Variants in DUSP28 observed in about 807,000 individuals in gnomAD.
DUSP28 encodes dual specificity phosphatase 28.
In DUSP28, 11 loss-of-function variants were observed where a neutral mutation model predicts 8.4. That is an observed-to-expected ratio of 1.31 (90% CI 0.83 to 2.17). The LOEUF (loss-of-function observed/expected upper bound fraction) is 2.17. Ranked by LOEUF, DUSP28 falls within the 30% of genes most tolerant of loss-of-function variation. The probability of loss-of-function intolerance (pLI) is 0.00; values close to 1 mark genes in which losing one functional copy is unlikely to be tolerated. For missense variants in DUSP28, 373 were observed against 270.4 expected, an observed-to-expected ratio of 1.38 and a Z score of -2.66; for synonymous variants, 178 against 130.9, an observed-to-expected ratio of 1.36 and a Z score of -2.46.
At chr2:240,561,148 G>A (rs973443326) in intron 1 of DUSP28, 71 bp downstream of exon 1, 59 of 1,458,604 alleles carry the variant, frequency 4.0e-5, no homozygotes, top group Non-Finnish European at 5.2e-5. Flanking sequence ...TCCGGGCGGG[G>A]CCGGCTTCGG....
In DUSP28 at chr2:240,563,958, T is replaced by C. The variant is rs1005518943; in HGVS notation, c.*2491T>C. The C allele has an allele frequency of 2.6e-5, 4 of 152,396 alleles. No individual in the cohort carries two copies. Among genetic ancestry groups the C allele is most frequent in the Non-Finnish European group, 5.9e-5 (4 of 68,048 alleles). 9.4% of individuals were successfully genotyped at this position (152,396 alleles called of 1,614,324 possible). A position where few individuals can be genotyped will look rare whatever the true frequency, so the allele number is the denominator to read the frequency against. Reference sequence around the variant, plus strand: ...TCATCAAAGGCAAGAGGGTTGTATATTTTCCCGTTGGAGACACATCTGGAA... The same window carrying C: ...TCATCAAAGGCAAGAGGGTTGTATACTTTCCCGTTGGAGACACATCTGGAA... On this transcript the variant is annotated 3_prime_UTR_variant, in exon 2 of 2. Coordinates refer to ENST00000405954, the MANE Select transcript of DUSP28 (RefSeq NM_001370465.2).
rs923001969 is a variant in DUSP28 at position 240,560,609 on chromosome 2, A to G, written c.-76A>G. 6.3e-5 allele frequency: 85 copies of G among 1,353,784 alleles called. No individual in the cohort carries two copies. The highest frequency in any genetic ancestry group is 7.1e-5 in the Non-Finnish European group (75 of 1,056,618). The allele number at this position is 1,353,784 out of a possible 1,614,324, so 83.9% of individuals were successfully genotyped here. Reference sequence around the variant, plus strand: ...CCCGGCGGCCCGCCCGGCTCCCACAAATAGACTCCTGGGCGGGCGCCTGAG... The same window carrying G: ...CCCGGCGGCCCGCCCGGCTCCCACAGATAGACTCCTGGGCGGGCGCCTGAG... On this transcript the variant is annotated 5_prime_UTR_variant, in exon 1 of 2. Transcript: ENST00000405954.
Position 240,564,563 on chromosome 2 carries a change from A to T in DUSP28, c.*3096A>T, listed in dbSNP as rs2092996495. On this transcript the variant is annotated 3_prime_UTR_variant, in exon 2 of 2. Transcript: ENST00000405954. ...TGGTCAGGAAAATCTAAACCACTTA[A>T]GGAACTGGGCAGAAAGAAACTGAAT... Among the ~76,000 whole-genome samples, 1 of 152,196 alleles carries T rather than the reference A, an allele frequency of 6.6e-6. No individual in the cohort carries two copies.
At chr2:240,561,100 G>A (rs1358847581) in intron 1 of DUSP28, 23 bp downstream of exon 1, 1 of 1,463,182 alleles carries the variant, frequency 6.8e-7, no homozygotes, top group South Asian at 1.4e-5. Flanking sequence ...TTAGGGGGGC[G>A]GTGTTTCGAG....
At position 240,564,614 on chromosome 2, in the gene DUSP28, A is replaced by T. The variant is rs932645879; in HGVS notation, c.*3147A>T. Among the ~76,000 whole-genome samples the T allele has an allele frequency of 6.6e-6, 1 of 152,210 alleles. No homozygotes were observed. Among genetic ancestry groups the T allele is most frequent in the Non-Finnish European group, 1.5e-5 (1 of 68,038 alleles). ...GCAGGGAGAAGAAGGCTGGGGAGCCAAGGACAGGAGAGGAGACATAGGGGA... is the reference window on the plus strand; with the variant it reads ...GCAGGGAGAAGAAGGCTGGGGAGCCTAGGACAGGAGAGGAGACATAGGGGA... On this transcript the variant is annotated 3_prime_UTR_variant, in exon 2 of 2. Transcript: ENST00000405954.
rs1315357820 is a variant in DUSP28, at chr2:240,562,466, G to C, written c.*999G>C. 6.6e-6 allele frequency: 1 copy of C among 152,234 alleles called. No homozygotes were observed. Among genetic ancestry groups the C allele is most frequent in the Non-Finnish European group, 1.5e-5 (1 of 68,050 alleles). The allele number at this position is 152,234 out of a possible 1,614,324, so 9.4% of individuals were successfully genotyped here. On this transcript the variant is annotated 3_prime_UTR_variant, in exon 2 of 2. Coordinates refer to ENST00000405954, the MANE Select transcript of DUSP28 (RefSeq NM_001370465.2). ...TTCACCCATGGCTTCTACGGTGACA[G>C]AGTATGGTGTTCCTGTAGGGAAACA... is the stretch of plus-strand genomic sequence containing the variant.
chr2:240,561,319 C>T lies in DUSP28; in HGVS notation c.394-11C>T, dbSNP rs200201123. The stretch of plus-strand genomic sequence containing the variant: ...CGACTTGGGGTTATTCAGTACACTT[C>T]TTGTTTGCAGATGGTGAAGAGCGCT... On this transcript the variant is annotated splice_polypyrimidine_tract_variant and intron_variant, in intron 1 of 1. Coordinates refer to ENST00000405954, the MANE Select transcript of DUSP28 (RefSeq NM_001370465.2). The T allele has an allele frequency of 6.2e-7, 1 of 1,613,832 alleles. No homozygotes were observed. Among genetic ancestry groups the T allele is most frequent in the South Asian group, 1.1e-5 (1 of 91,080 alleles).
At position 240,564,986 on chromosome 2, in the gene DUSP28, C is replaced by T. The variant is rs1479334047; in HGVS notation, c.*3519C>T. On this transcript the variant is annotated 3_prime_UTR_variant, in exon 2 of 2. Coordinates refer to ENST00000405954, the MANE Select transcript of DUSP28 (RefSeq NM_001370465.2). ...TCAAGCCAACAAGGTGCTGCCTCTCCCGCCGTGTGAGGGTGGAACCCCATA... is the reference window on the plus strand; with the variant it reads ...TCAAGCCAACAAGGTGCTGCCTCTCTCGCCGTGTGAGGGTGGAACCCCATA... Among the ~76,000 whole-genome samples, 1 of 152,198 alleles carries T rather than the reference C, an allele frequency of 6.6e-6. No individual in the cohort carries two copies. The highest frequency in any genetic ancestry group is 1.5e-5 in the Non-Finnish European group (1 of 68,040).
At position 240,564,594 on chromosome 2, in the gene DUSP28, GAGA is replaced by G. The variant is rs1226950448; in HGVS notation, c.*3133_*3135del. ...TGGGCAGAAAGAAACTGAATGCAGGGAGAAGAAGGCTGGGGAGCCAAGGACAGG... is the reference window on the plus strand; with the variant it reads ...TGGGCAGAAAGAAACTGAATGCAGGGAGAAGGCTGGGGAGCCAAGGACAGG... On this transcript the variant is annotated 3_prime_UTR_variant, in exon 2 of 2. Transcript: ENST00000405954. 6.6e-6 allele frequency among the ~76,000 whole-genome samples: 1 copy of G among 152,224 alleles called. No individual in the cohort carries two copies. Among genetic ancestry groups the G allele is most frequent in the East Asian group, 1.9e-4 (1 of 5,182 alleles).
rs2125445218 is a variant in DUSP28 at position 240,564,054 on chromosome 2, A to G, written c.*2587A>G. The G allele has an allele frequency of 6.6e-6, 1 of 152,522 alleles. No individual in the cohort carries two copies. The highest frequency in any genetic ancestry group is 6.5e-5 in the Admixed American group (1 of 15,308). 9.4% of individuals were successfully genotyped at this position (152,522 alleles called of 1,614,324 possible). ...AAACTGCAGATTCAAAAATCGAGGG[A>G]GAAATGAGCACACGCTGTACTTGGC... is the stretch of plus-strand genomic sequence containing the variant. On this transcript the variant is annotated 3_prime_UTR_variant, in exon 2 of 2. Coordinates refer to ENST00000405954, the MANE Select transcript of DUSP28 (RefSeq NM_001370465.2).
Position 240,564,987 on chromosome 2 carries a change from C to T in DUSP28, c.*3520C>T, listed in dbSNP as rs964382874. ...CAAGCCAACAAGGTGCTGCCTCTCCCGCCGTGTGAGGGTGGAACCCCATAA... is the reference window on the plus strand; with the variant it reads ...CAAGCCAACAAGGTGCTGCCTCTCCTGCCGTGTGAGGGTGGAACCCCATAA... On this transcript the variant is annotated 3_prime_UTR_variant, in exon 2 of 2. Coordinates refer to ENST00000405954, the MANE Select transcript of DUSP28 (RefSeq NM_001370465.2). Among the ~76,000 whole-genome samples the T allele has an allele frequency of 4.6e-5, 7 of 152,300 alleles. No individual in the cohort carries two copies. The highest frequency in any genetic ancestry group is 3.4e-3 in the Middle Eastern group (1 of 294).
In DUSP28 at chr2:240,561,408, C is replaced by T. The variant is rs1462861372; in HGVS notation, c.472C>T (p.Gln158Ter). ...SQLQKYEEAL[Q>*]AQSCLQGEPP... Reference sequence around the variant, plus strand: ...GCTCCAGAAGTATGAGGAGGCCCTCCAGGCCCAGTCCTGCCTGCAGGGAGA... The same window carrying T: ...GCTCCAGAAGTATGAGGAGGCCCTCTAGGCCCAGTCCTGCCTGCAGGGAGA... The change falls in exon 2 of 2, where the codon CAG (glutamine) becomes TAG (stop). Residue 158 changes from glutamine to a stop codon, truncating the protein, a stop_gained. Coordinates refer to ENST00000405954, the MANE Select transcript of DUSP28 (RefSeq NM_001370465.2). LOFTEE classifies it low-confidence loss of function (END_TRUNC). 1.3e-5 allele frequency: 21 copies of T among 1,613,770 alleles called. No individual in the cohort carries two copies. The highest frequency in any genetic ancestry group is 6.7e-5 in the Admixed American group (4 of 60,030).
Position 240,561,707 on chromosome 2 carries a change from A to G in DUSP28, c.*240A>G. On this transcript the variant is annotated 3_prime_UTR_variant, in exon 2 of 2. Transcript: ENST00000405954. ...AAGAAAAAGCAAATAGGGATCCTCC[A>G]TTATTTACACTCCAGAATCTTGAGT... is the stretch of plus-strand genomic sequence containing the variant. 1.8e-6 allele frequency: 1 copy of G among 541,188 alleles called. No homozygotes were observed. 33.5% of individuals were successfully genotyped at this position (541,188 alleles called of 1,614,324 possible).
rs762139283 is a variant in DUSP28 at position 240,562,781 on chromosome 2, T to C, written c.*1314T>C. The stretch of plus-strand genomic sequence containing the variant: ...TTCCCATTTTATCAGAAAATAGAAA[T>C]TTTACCTGCCCAAGTTCTTCACTGA... On this transcript the variant is annotated 3_prime_UTR_variant, in exon 2 of 2. Coordinates refer to ENST00000405954, the MANE Select transcript of DUSP28 (RefSeq NM_001370465.2). 6.6e-6 allele frequency: 1 copy of C among 152,292 alleles called. No individual in the cohort carries two copies. Among genetic ancestry groups the C allele is most frequent in the African/African-American group, 2.4e-5 (1 of 41,450 alleles). 9.4% of individuals were successfully genotyped at this position (152,292 alleles called of 1,614,324 possible).
In DUSP28 at chr2:240,560,795, G is replaced by A. The variant is rs2092918610; in HGVS notation, c.111G>A (p.Glu37=). Residue 37 remains glutamate, a synonymous_variant, in exon 1 of 2, where the codon GAG becomes GAA. Coordinates refer to ENST00000405954, the MANE Select transcript of DUSP28 (RefSeq NM_001370465.2). ...FLGSARAAGA[E]EQLARAGVTL... ...GGAGCGCGCGAGCCGCGGGCGCGGA[G>A]GAGCAGCTGGCGCGCGCGGGAGTCA... 3 of 1,449,944 alleles carry A rather than the reference G, an allele frequency of 2.1e-6. No homozygotes were observed. The highest frequency in any genetic ancestry group is 1.5e-5 in the African/African-American group (1 of 67,794). The allele number at this position is 1,449,944 out of a possible 1,614,324, so 89.8% of individuals were successfully genotyped here.
Position 240,561,532 on chromosome 2 carries a change from CCTT to C in DUSP28, c.*70_*72del, listed in dbSNP as rs1004099428. On this transcript the variant is annotated 3_prime_UTR_variant, in exon 2 of 2. Coordinates refer to ENST00000405954, the MANE Select transcript of DUSP28 (RefSeq NM_001370465.2). ...ACTGATACAGAAGGCTGGTCTTTAC[CCTT>C]CTTCCTCACTGTCATATCGAGTTTT... The C allele has an allele frequency of 1.7e-5, 26 of 1,529,708 alleles. No homozygotes were observed. The highest frequency in any genetic ancestry group is 1.7e-4 in the Middle Eastern group (1 of 5,796). The allele number at this position is 1,529,708 out of a possible 1,614,324, so 94.8% of individuals were successfully genotyped here.
chr2:240,560,691 C>A lies in DUSP28; in HGVS notation c.7C>A (p.Pro3Thr). MG[P>T]AEAGRRGAAS... ...AGACTCTTCGGCGGGCGCCATGGGACCGGCAGAAGCTGGGCGCCGCGGGGC... is the reference window on the plus strand; with the variant it reads ...AGACTCTTCGGCGGGCGCCATGGGAACGGCAGAAGCTGGGCGCCGCGGGGC... The change falls in exon 1 of 2, where the codon CCG (proline) becomes ACG (threonine). Residue 3 changes from proline to threonine, a missense_variant. Pro to Thr is a conservative substitution (Grantham distance 38). Coordinates refer to ENST00000405954, the MANE Select transcript of DUSP28 (RefSeq NM_001370465.2). 1 of 1,524,604 alleles carries A rather than the reference C, an allele frequency of 6.6e-7. No homozygotes were observed. Among genetic ancestry groups the A allele is most frequent in the Non-Finnish European group, 8.7e-7 (1 of 1,148,060 alleles). The allele number at this position is 1,524,604 out of a possible 1,614,324, so 94.4% of individuals were successfully genotyped here.
chr2:240,561,215 G>GAAGA (rs2092946265), intron 1 of DUSP28, 115 bp from the exon 2 acceptor site: 1 of 1,570,016 alleles, frequency 6.4e-7, no homozygotes, highest in African/African-American at 1.4e-5. Context: ...CGGGCTTAGG[G>GAAGA]AAGCAGAGAG....
At position 240,561,670 on chromosome 2, in the gene DUSP28, C is replaced by A. The variant is rs775421706; in HGVS notation, c.*203C>A. ...AAAAGAAATACATTTGGTAAAACAT[C>A]GAAGACAAATTAAGAAAAAGCAAAT... On this transcript the variant is annotated 3_prime_UTR_variant, in exon 2 of 2. Coordinates refer to ENST00000405954, the MANE Select transcript of DUSP28 (RefSeq NM_001370465.2). 3.9e-6 allele frequency: 3 copies of A among 762,364 alleles called. No homozygotes were observed. The highest frequency in any genetic ancestry group is 5.9e-6 in the Non-Finnish European group (3 of 510,694). 47.2% of individuals were successfully genotyped at this position (762,364 alleles called of 1,614,324 possible).
Sources: allele counts gnomAD v4.1 joint callset (sites outside exome capture counted in the v4.1 genomes callset), GRCh38; gene constraint gnomAD v4.1.1; transcripts MANE v1.5; gene names NCBI Gene and HGNC (gene_info 2026-07-23, HGNC 2026-07-21).